NELFB: variants seen among roughly 807,000 people sequenced by gnomAD.
NELFB encodes negative elongation factor complex member B.
In NELFB, 34 loss-of-function variants were observed where a neutral mutation model predicts 60.2. The observed-to-expected ratio is 0.56, with a 90% CI of 0.43 to 0.75. NELFB has a LOEUF of 0.75. Among genes scored for constraint, NELFB ranks in the 30% least tolerant of loss-of-function variants. NELFB has a pLI of 0.00. For synonymous variants in NELFB, 459 were observed against 382.1 expected, an observed-to-expected ratio of 1.20 and a Z score of -2.35; for missense variants, 770 against 831.6, an observed-to-expected ratio of 0.93 and a Z score of 0.91.
At chr9:137,264,032 ACAT>A (rs1830488688) in intron 5 of NELFB, among the ~76,000 whole-genome samples, 1 of 152,192 alleles carries the variant, frequency 6.6e-6, no homozygotes, top group African/African-American at 2.4e-5. Context: ...TTAGAAAGAA[ACAT>A]CATCACTTTC....
In NELFB at chr9:137,267,294, C is replaced by G; in HGVS notation, c.1437C>G (p.His479Gln). The G allele has an allele frequency of 1.9e-6, 3 of 1,613,592 alleles. No homozygotes were observed. The highest frequency in any genetic ancestry group is 1.7e-4 in the Middle Eastern group (1 of 6,052). Reference sequence around the variant, plus strand: ...AGGTGGGGCTGTACTACGTCCTGCACATCACCAAGCAGAGGAACAAGAACG... The same window carrying G: ...AGGTGGGGCTGTACTACGTCCTGCAGATCACCAAGCAGAGGAACAAGAACG... The change falls in exon 10 of 13, where the codon CAC becomes CAG. Residue 479 changes from histidine to glutamine, a missense_variant. Transcript: ENST00000343053.
At chr9:137,263,943 G>A (rs556587640) in intron 5 of NELFB, among the ~76,000 whole-genome samples, 2 of 152,344 alleles carry the variant, frequency 1.3e-5, no homozygotes, top group Admixed American at 6.5e-5. Context: ...GGACTTGGGA[G>A]TCACCCTCCG....
intron 7 of NELFB, among the ~76,000 whole-genome samples, 171 bp downstream of exon 7, chr9:137,266,150 A>G (rs1450195468): frequency 2.2e-4 from 33 of 152,252 alleles, no homozygotes; most frequent in Non-Finnish European, 1.5e-5. Context: ...TGGCCCAGGT[A>G]GAGGCGTGTG....
In NELFB at chr9:137,255,941, C is replaced by G; in HGVS notation, c.281C>G (p.Ser94Ter). The stretch of plus-strand genomic sequence containing the variant: ...GGTGTGCTGCTGCCATCTCTTCAGT[C>G]AGCCCTCCCCTTCTTGGACCTGCAC... The change falls in exon 2 of 13, where the codon TCA (serine) becomes TGA (stop). Residue 94 changes from serine to a stop codon, truncating the protein, a stop_gained. Transcript: ENST00000343053. LOFTEE classifies it high-confidence loss of function. 6.2e-7 allele frequency: 1 copy of G among 1,614,064 alleles called. No homozygotes were observed. The highest frequency in any genetic ancestry group is 8.5e-7 in the Non-Finnish European group (1 of 1,180,020).
At position 137,256,821 on chromosome 9, in the gene NELFB, T is replaced by C; in HGVS notation, c.511-3T>C. 1 of 1,613,896 alleles carries C rather than the reference T, an allele frequency of 6.2e-7. No individual in the cohort carries two copies. Among genetic ancestry groups the C allele is most frequent in the Admixed American group, 1.7e-5 (1 of 60,012 alleles). On this transcript the variant is annotated splice_region_variant and splice_polypyrimidine_tract_variant and intron_variant, in intron 3 of 12. Transcript: ENST00000343053. ...CTCACAGGCAGCCTGTGGTGTCATGTAGGTTCCGGAGAAAAAACTGAAGCT... is the reference window on the plus strand; with the variant it reads ...CTCACAGGCAGCCTGTGGTGTCATGCAGGTTCCGGAGAAAAAACTGAAGCT...
chr9:137,259,009 A>G (rs1234587100), intron 4 of NELFB, among the ~76,000 whole-genome samples: 1 of 152,052 alleles, frequency 6.6e-6, no homozygotes, highest in Non-Finnish European at 1.5e-5. Context: ...TTAAAGACCA[A>G]AGGGAGACCT....
In NELFB at chr9:137,264,228, G is replaced by A. The variant is rs749264143; in HGVS notation, c.928-17G>A. The A allele has an allele frequency of 1.5e-5, 23 of 1,562,904 alleles. No individual in the cohort carries two copies. The highest frequency in any genetic ancestry group is 8.2e-5 in the South Asian group (7 of 85,094). On this transcript the variant is annotated splice_polypyrimidine_tract_variant and intron_variant, in intron 5 of 12. Transcript: ENST00000343053. ...TGGGAGGTTTGGGCTGGTCCCGACC[G>A]TGCTTCCTCCTTGCAGTTCACCTGG...
intron 4 of NELFB, among the ~76,000 whole-genome samples, chr9:137,259,161 A>G (rs918930295): frequency 1.3e-5 from 2 of 152,212 alleles, no homozygotes; most frequent in Non-Finnish European, 2.9e-5. Context: ...ACTGCACTCC[A>G]ACCTGGGCGA....
In NELFB at chr9:137,255,499, G is replaced by C; in HGVS notation, c.134G>C (p.Gly45Ala). The change falls in exon 1 of 13, where the codon GGG becomes GCG. Residue 45 changes from glycine (G) to alanine (A), a missense_variant. Transcript: ENST00000343053. ...GGGGCGCCTAGCCGGGCGGTGGCCG[G>C]GGCCTCGGCCATGTTCGCGGGGCTG... The C allele has an allele frequency of 6.5e-7, 1 of 1,530,378 alleles. No homozygotes were observed. Among genetic ancestry groups the C allele is most frequent in the Non-Finnish European group, 8.8e-7 (1 of 1,139,904 alleles). The allele number at this position is 1,530,378 out of a possible 1,614,324, so 94.8% of individuals were successfully genotyped here. A position where few individuals can be genotyped will look rare whatever the true frequency, so the allele number is the denominator to read the frequency against.
chr9:137,264,820 A>G (rs1486648908), intron 6 of NELFB, among the ~76,000 whole-genome samples: 2 of 151,954 alleles, frequency 1.3e-5, no homozygotes, highest in African/African-American at 4.8e-5. Flanking sequence ...CAGCTTAGGG[A>G]CATGGTTGTC....
intron 4 of NELFB, among the ~76,000 whole-genome samples, chr9:137,262,779 A>G (rs985317140): frequency 6.6e-6 from 1 of 152,174 alleles, no homozygotes; most frequent in African/African-American, 2.4e-5. Context: ...GCAGTGAGCC[A>G]CAGTTGCAGC....
At chr9:137,259,271 T>C (rs1830391660) in intron 4 of NELFB, among the ~76,000 whole-genome samples, 1 of 152,212 alleles carries the variant, frequency 6.6e-6, no homozygotes, top group Non-Finnish European at 1.5e-5. Context: ...GAGTCTTTCA[T>C]GCTTAGAGCC....
intron 7 of NELFB, 120 bp downstream of exon 7, chr9:137,266,099 G>T (rs1372666659): frequency 1.2e-6 from 1 of 834,514 alleles, no homozygotes; most frequent in African/African-American, 1.7e-5. Flanking sequence ...CCCTGTGGCC[G>T]CCCTGCTGGC....
chr9:137,271,199 C>T (rs970632052), intron 10 of NELFB, among the ~76,000 whole-genome samples: 7 of 152,248 alleles, frequency 4.6e-5, no homozygotes, highest in Non-Finnish European at 4.4e-5. Flanking sequence ...CCACGTGTCC[C>T]GTGGCCACCT....
At position 137,263,128 on chromosome 9, in the gene NELFB, G is replaced by A. The variant is rs1437888931; in HGVS notation, c.833G>A (p.Arg278Gln). The change falls in exon 5 of 13, where the codon CGG becomes CAG. Residue 278 changes from arginine (R) to glutamine (Q), a missense_variant. Transcript: ENST00000343053. ...CTGCGCACGCTCTTCCTGCGCACGC[G>A]GAATGTGCACTACTGCACGCTGCGG... 2.0e-5 allele frequency: 33 copies of A among 1,613,918 alleles called. No individual in the cohort carries two copies. The highest frequency in any genetic ancestry group is 6.7e-5 in the African/African-American group (5 of 74,892).
intron 4 of NELFB, among the ~76,000 whole-genome samples, chr9:137,258,228 A>G (rs1588184266): frequency 2.0e-5 from 3 of 148,414 alleles, no homozygotes; most frequent in Admixed American, 6.9e-5. Flanking sequence ...GACTCAAGCA[A>G]TCCTCCTACC....
At position 137,273,004 on chromosome 9, in the gene NELFB, C is replaced by A. The variant is rs1198768209; in HGVS notation, c.*76C>A. ...GCTCAGCCGGAAGAGGCTCCCGGAC[C>A]TGGATGTACAGGGCAGTCTCTCTTC... On this transcript the variant is annotated 3_prime_UTR_variant, in exon 13 of 13. Coordinates refer to ENST00000343053, the MANE Select transcript of NELFB (RefSeq NM_015456.5). The A allele has an allele frequency of 2.1e-6, 3 of 1,412,470 alleles. No individual in the cohort carries two copies. The highest frequency in any genetic ancestry group is 2.8e-6 in the Non-Finnish European group (3 of 1,066,254). 87.5% of individuals were successfully genotyped at this position (1,412,470 alleles called of 1,614,324 possible).
rs567231427 is a variant in NELFB at position 137,256,353 on chromosome 9, G to A, written c.435G>A (p.Leu145=). The A allele has an allele frequency of 3.7e-6, 6 of 1,614,048 alleles. No homozygotes were observed. The South Asian group carries it at 4.4e-5, about 12-fold the overall frequency. The stretch of plus-strand genomic sequence containing the variant: ...GGTACAAGAAGCTGGAAGACCTTCT[G>A]GAGAAGAGCTTTTCTCTGGTGAAGA... The change falls in exon 3 of 13, where the codon CTG becomes CTA. Residue 145 remains leucine (L), a synonymous_variant. Transcript: ENST00000343053.
intron 5 of NELFB, among the ~76,000 whole-genome samples, chr9:137,263,621 C>T (rs1192675441): frequency 1.3e-5 from 2 of 151,636 alleles, no homozygotes; most frequent in East Asian, 3.9e-4. Flanking sequence ...GTCTTTCTGT[C>T]CTGTGTGCTG....
Sources: gnomAD v4.1 joint callset for allele counts (sites outside exome capture counted in the v4.1 genomes callset) on GRCh38, gnomAD v4.1.1 for gene constraint, MANE v1.5 for transcripts, NCBI Gene and HGNC (gene_info 2026-07-23, HGNC 2026-07-21) for gene names.